AGBL4: variants seen among roughly 807,000 people sequenced by gnomAD.
The protein encoded by AGBL4 is cytosolic carboxypeptidase 6.
AGBL4 carries 58 observed loss-of-function variants against 66.4 expected under a neutral mutation model. That is an observed-to-expected ratio of 0.87 (90% CI 0.71 to 1.09). The LOEUF (loss-of-function observed/expected upper bound fraction) is 1.09. AGBL4 is among the 50% of genes least tolerant of loss of function. AGBL4 has a pLI of 0.00. For synonymous variants in AGBL4, 234 were observed against 222.9 expected (o/e 1.05, Z -0.44); for missense variants, 579 against 631.0 (o/e 0.92, Z 0.88).
chr1:48,638,528 G>A (rs1478202731), intron 8 of AGBL4, among the ~76,000 whole-genome samples: 3 of 152,228 alleles, frequency 2.0e-5, no homozygotes, highest in African/African-American at 7.2e-5. Context: ...CAGTGAAGTG[G>A]TGATAATTGT....
rs1643989417 is a variant in AGBL4, at chr1:49,559,758, G to A, written c.282+137555C>T. The stretch of plus-strand genomic sequence containing the variant: ...TTAAGCCTTCAGCGACACATTGAAG[G>A]CTACACTGTTGGCTTCCCTGTTTTT... On this transcript the variant is annotated intron_variant, in intron 3 of 13. Coordinates refer to ENST00000371839, the MANE Select transcript of AGBL4 (RefSeq NM_032785.4). Among the ~76,000 whole-genome samples, 4 of 152,246 alleles carry A rather than the reference G, an allele frequency of 2.6e-5. 1 individual carries two copies. The highest frequency in any genetic ancestry group is 4.2e-4 in the South Asian group (2 of 4,816).
chr1:48,853,737 C>T (rs1647083113), intron 6 of AGBL4, among the ~76,000 whole-genome samples: 2 of 151,946 alleles, frequency 1.3e-5, no homozygotes, highest in South Asian at 4.1e-4. Context: ...CCCATGAGGT[C>T]TGTCTACCTC....
chr1:48,851,472 G>A (rs989433402), intron 6 of AGBL4, among the ~76,000 whole-genome samples: 2 of 152,150 alleles, frequency 1.3e-5, no homozygotes, highest in Non-Finnish European at 2.9e-5. Flanking sequence ...TGGCCTCTAA[G>A]ACAGTATCAT....
intron 3 of AGBL4, among the ~76,000 whole-genome samples, chr1:49,383,807 T>C (rs34361942): frequency 2.1e-5 from 3 of 145,946 alleles, no homozygotes; most frequent in African/African-American, 8.3e-5. Flanking sequence ...ATATATATTT[T>C]TTTTTTTTGA....
intron 1 of AGBL4, among the ~76,000 whole-genome samples, chr1:49,862,349 G>A (rs1256835279): frequency 1.0e-4 from 4 of 39,442 alleles, no homozygotes; most frequent in Admixed American, 5.7e-4. Flanking sequence ...ATACATATAG[G>A]AGACAAAAAA....
intron 9 of AGBL4, among the ~76,000 whole-genome samples, chr1:48,628,983 C>T (rs1382017547): frequency 1.3e-5 from 2 of 152,024 alleles, no homozygotes; most frequent in Non-Finnish European, 2.9e-5. Context: ...GGACTCTGCC[C>T]TATTAATCTC....
intron 5 of AGBL4, among the ~76,000 whole-genome samples, chr1:48,962,642 G>GCTAC (rs1361649742): frequency 6.6e-6 from 1 of 152,190 alleles, no homozygotes; most frequent in Admixed American, 6.5e-5. Context: ...TTCGGGCCTT[G>GCTAC]CTACCTACCT....
intron 1 of AGBL4, chr1:50,016,970 T>C (rs1662031159): frequency 6.6e-6 from 1 of 152,054 alleles, no homozygotes; most frequent in Admixed American, 6.5e-5. Flanking sequence ...TGTTCTACCA[T>C]AAAGACACAT....
intron 3 of AGBL4, among the ~76,000 whole-genome samples, chr1:49,664,170 A>T (rs896699966): frequency 6.6e-6 from 1 of 152,090 alleles, no homozygotes; most frequent in South Asian, 2.1e-4. Flanking sequence ...AGCTTGTAGC[A>T]TCTAGGAAAA....
At chr1:49,812,989 C>G (rs1557471735) in intron 2 of AGBL4, among the ~76,000 whole-genome samples, 1 of 152,084 alleles carries the variant, frequency 6.6e-6, no homozygotes, top group Non-Finnish European at 1.5e-5. Flanking sequence ...ATTTAATGAA[C>G]TAAAAAGCGC....
intron 3 of AGBL4, among the ~76,000 whole-genome samples, chr1:49,622,791 T>C (rs1645392894): frequency 6.6e-6 from 1 of 152,208 alleles, no homozygotes; most frequent in African/African-American, 2.4e-5. Flanking sequence ...ATCTTTGTTA[T>C]GATTATCTTC....
intron 6 of AGBL4, among the ~76,000 whole-genome samples, chr1:48,701,258 G>A (rs1174289597): frequency 6.6e-6 from 1 of 152,104 alleles, no homozygotes; most frequent in Non-Finnish European, 1.5e-5. Context: ...CACACATTCA[G>A]ACCTGGGAAG....
At chr1:49,880,916 C>A (rs528068868) in intron 1 of AGBL4, among the ~76,000 whole-genome samples, 1 of 152,030 alleles carries the variant, frequency 6.6e-6, no homozygotes, top group Admixed American at 6.5e-5. Flanking sequence ...GGGAGTGACC[C>A]GATTTTCCAG....
At chr1:50,002,219 T>C (rs1038850333) in intron 1 of AGBL4, among the ~76,000 whole-genome samples, 2 of 152,194 alleles carry the variant, frequency 1.3e-5, no homozygotes, top group African/African-American at 4.8e-5. Context: ...TTTGAGTAGG[T>C]GAGTCAAATA....
chr1:49,567,748 C>T, intron 3 of AGBL4, among the ~76,000 whole-genome samples: 1 of 152,112 alleles, frequency 6.6e-6, no homozygotes, highest in East Asian at 1.9e-4. Flanking sequence ...CAGCATCATG[C>T]TGATACCCAA....
At chr1:49,129,487 C>A (rs1264511611) in intron 4 of AGBL4, among the ~76,000 whole-genome samples, 3 of 151,536 alleles carry the variant, frequency 2.0e-5, no homozygotes, top group Non-Finnish European at 2.9e-5. Flanking sequence ...CAACAGTCCC[C>A]AGAGTGTGAT....
At chr1:49,037,309 G>T (rs1026635078) in intron 5 of AGBL4, among the ~76,000 whole-genome samples, 5 of 151,948 alleles carry the variant, frequency 3.3e-5, no homozygotes, top group African/African-American at 1.2e-4. Flanking sequence ...AAAGATCTTT[G>T]CCTGTGGGAA....
At chr1:49,109,358 C>T (rs1009943472) in intron 4 of AGBL4, among the ~76,000 whole-genome samples, 3 of 152,168 alleles carry the variant, frequency 2.0e-5, no homozygotes, top group African/African-American at 7.2e-5. Context: ...TCTCACCAAA[C>T]TTGACCTTTG....
At position 49,238,721 on chromosome 1, in the gene AGBL4, A is replaced by G. The variant is rs1030685106; in HGVS notation, c.377+7049T>C. 2.0e-5 allele frequency among the ~76,000 whole-genome samples: 3 copies of G among 152,170 alleles called. No homozygotes were observed. The South Asian group carries it at 6.2e-4, about 32-fold the overall frequency. On this transcript the variant is annotated intron_variant, in intron 4 of 13. Coordinates refer to ENST00000371839, the MANE Select transcript of AGBL4 (RefSeq NM_032785.4). ...TTGTGTTTGGCTGGAGTAGGTGATC[A>G]TTGTCTCACAATAATCTCTCATGCT...
Sources: allele counts gnomAD v4.1 joint callset (sites outside exome capture counted in the v4.1 genomes callset), GRCh38; gene constraint gnomAD v4.1.1; transcripts MANE v1.5; gene names NCBI Gene and HGNC (gene_info 2026-07-23, HGNC 2026-07-21).